The following PPIL6 variants were observed in gnomAD, a reference collection of about 807,000 sequenced individuals.
PPIL6 encodes peptidylprolyl isomerase like 6.
A neutral mutation model predicts 36.8 loss-of-function variants in PPIL6; 39 were observed. The observed-to-expected ratio is 1.06, with a 90% CI of 0.82 to 1.38. The LOEUF (loss-of-function observed/expected upper bound fraction) is 1.38. Ranked by LOEUF, PPIL6 falls within the 40% of genes most tolerant of loss-of-function variation. The probability of loss-of-function intolerance (pLI) is 0.00; values close to 1 mark genes in which losing one functional copy is unlikely to be tolerated. For synonymous variants in PPIL6, 123 were observed against 134.1 expected, an observed-to-expected ratio of 0.92 and a Z score of 0.57; for missense variants, 368 against 379.1, an observed-to-expected ratio of 0.97 and a Z score of 0.24.
intron 2 of PPIL6, among the ~76,000 whole-genome samples, chr6:109,435,430 T>C (rs1774392550): frequency 6.6e-6 from 1 of 151,786 alleles, no homozygotes; most frequent in Non-Finnish European, 1.5e-5. Flanking sequence ...CCAAAGTAGC[T>C]GGGATTATAG....
At chr6:109,437,308 G>A (rs1774499225) in intron 1 of PPIL6, among the ~76,000 whole-genome samples, 1 of 152,196 alleles carries the variant, frequency 6.6e-6, no homozygotes, top group Admixed American at 6.5e-5. Flanking sequence ...GACAGTGCTT[G>A]GAGGTCCTGT....
chr6:109,435,227 G>C (rs1314074839), intron 2 of PPIL6, among the ~76,000 whole-genome samples: 1 of 152,054 alleles, frequency 6.6e-6, no homozygotes, highest in Non-Finnish European at 1.5e-5. Context: ...ACCATCATCA[G>C]CGGCAAACGG....
intron 6 of PPIL6, among the ~76,000 whole-genome samples, chr6:109,412,067 G>T (rs916103668): frequency 7.9e-5 from 12 of 152,340 alleles, no homozygotes; most frequent in African/African-American, 2.9e-4. Flanking sequence ...AATCAGACCT[G>T]TCCATCAATG....
chr6:109,402,312 G>C (rs1336941881), intron 6 of PPIL6, among the ~76,000 whole-genome samples: 1 of 152,024 alleles, frequency 6.6e-6, no homozygotes, highest in South Asian at 2.1e-4. Context: ...AAGGTGGGTG[G>C]GTCGCTTGAG....
chr6:109,397,795 G>A (rs572041561), intron 7 of PPIL6, among the ~76,000 whole-genome samples: 8 of 152,214 alleles, frequency 5.3e-5, no homozygotes, highest in Non-Finnish European at 8.8e-5. Context: ...CAGGAAGTTG[G>A]TAGAGGACAG....
At chr6:109,441,047 GCCGGCCGCCCCCGTCCCCA>G, upstream of PPIL6, 1 of 1,501,614 alleles carries the variant, frequency 6.7e-7, no homozygotes. Flanking sequence ...AGAAGGCGCC[GCCGGCCGCCCCCGTCCCCA>G]CCGCGGCCGT....
At chr6:109,427,287 T>C in intron 3 of PPIL6, 131 bp from the exon 4 acceptor site, 1 of 568,884 alleles carries the variant, frequency 1.8e-6, no homozygotes, top group Non-Finnish European at 3.1e-6. Flanking sequence ...ATGGATAATA[T>C]TACAGTAAAA....
Position 109,436,017 on chromosome 6 carries a change from C to G in PPIL6, c.231+87G>C. ...AAAATCTAGTTACACTAAAATTACT[C>G]TTTCAGTTTTTCCAAAACAATGCAT... On this transcript the variant is annotated intron_variant, in intron 2 of 7. Coordinates refer to ENST00000521072, the MANE Select transcript of PPIL6 (RefSeq NM_173672.5). 34 of 775,060 alleles carry G rather than the reference C, an allele frequency of 4.4e-5. No homozygotes were observed. The South Asian group carries it at 4.9e-4, about 11-fold the overall frequency. The allele number at this position is 775,060 out of a possible 1,614,324, so 48.0% of individuals were successfully genotyped here.
chr6:109,436,662 A>G (rs1774463253), intron 1 of PPIL6, among the ~76,000 whole-genome samples: 1 of 152,212 alleles, frequency 6.6e-6, no homozygotes. Flanking sequence ...CAGAGGTTGC[A>G]GTGAGCAGAG....
chr6:109,426,032 G>T (rs1313401471), intron 5 of PPIL6, among the ~76,000 whole-genome samples: 1 of 152,138 alleles, frequency 6.6e-6, no homozygotes, highest in Non-Finnish European at 1.5e-5. Flanking sequence ...ACACAAAATG[G>T]AAAAACACTT....
In PPIL6 at chr6:109,392,974, A is replaced by T; in HGVS notation, c.825-37T>A. On this transcript the variant is annotated intron_variant, in intron 7 of 7. Coordinates refer to ENST00000521072, the MANE Select transcript of PPIL6 (RefSeq NM_173672.5). ...AAAAAAATGGAAAATTTAGTCAGTCATAAGTTTTCATATTTAGCTTAACAT... is the reference window on the plus strand; with the variant it reads ...AAAAAAATGGAAAATTTAGTCAGTCTTAAGTTTTCATATTTAGCTTAACAT... 4.2e-6 allele frequency: 5 copies of T among 1,182,812 alleles called. No homozygotes were observed. In the South Asian group the frequency reaches 6.5e-5, roughly 15 times the overall value. The allele number at this position is 1,182,812 out of a possible 1,614,324, so 73.3% of individuals were successfully genotyped here.
intron 3 of PPIL6, among the ~76,000 whole-genome samples, chr6:109,429,650 A>C (rs1367700217): frequency 6.6e-6 from 1 of 152,146 alleles, no homozygotes; most frequent in East Asian, 1.9e-4. Flanking sequence ...AAAGACACTG[A>C]AGCATTGAAC....
At chr6:109,416,263 C>T (rs917553805) in intron 6 of PPIL6, among the ~76,000 whole-genome samples, 2 of 139,822 alleles carry the variant, frequency 1.4e-5, no homozygotes, top group African/African-American at 2.7e-5. Context: ...AGTGCAGTGG[C>T]GTGATCTCGG....
chr6:109,427,163 A>T lies in PPIL6; in HGVS notation c.421-7T>A. 1 of 1,605,892 alleles carries T rather than the reference A, an allele frequency of 6.2e-7. No individual in the cohort carries two copies. The highest frequency in any genetic ancestry group is 8.5e-7 in the Non-Finnish European group (1 of 1,173,610). ...CCAAAAACACGAAATCATGCTGTGA[A>T]GATTAAGGAGAATCATATAATGCAG... On this transcript the variant is annotated splice_region_variant and splice_polypyrimidine_tract_variant and intron_variant, in intron 3 of 7. Coordinates refer to ENST00000521072, the MANE Select transcript of PPIL6 (RefSeq NM_173672.5).
chr6:109,396,028 G>T (rs1359616303), intron 7 of PPIL6, among the ~76,000 whole-genome samples: 2 of 151,968 alleles, frequency 1.3e-5, no homozygotes, highest in Admixed American at 1.3e-4. Context: ...GTAGAGATGA[G>T]GTTTCACCGT....
chr6:109,419,772 T>C (rs760144644), intron 5 of PPIL6, among the ~76,000 whole-genome samples: 18 of 151,992 alleles, frequency 1.2e-4, no homozygotes, highest in Non-Finnish European at 2.5e-4. Flanking sequence ...TACCAATGAA[T>C]AGAATAAGTT....
chr6:109,419,332 G>T, intron 5 of PPIL6, 89 bp from the exon 6 acceptor site: 1 of 870,388 alleles, frequency 1.1e-6, no homozygotes, highest in Non-Finnish European at 1.9e-6. Flanking sequence ...TGCTTTCAAT[G>T]ATGATTTCAA....
At chr6:109,402,546 A>G (rs1346479925) in intron 6 of PPIL6, among the ~76,000 whole-genome samples, 1 of 152,310 alleles carries the variant, frequency 6.6e-6, no homozygotes, top group South Asian at 2.1e-4. Context: ...AAGAAAAAAA[A>G]AAAGTGCCTA....
At chr6:109,424,454 G>C (rs1773715584) in intron 5 of PPIL6, among the ~76,000 whole-genome samples, 1 of 152,166 alleles carries the variant, frequency 6.6e-6, no homozygotes, top group African/African-American at 2.4e-5. Flanking sequence ...ACAGTGCCTG[G>C]AGGCATCCTA....
Sources: gnomAD v4.1 joint callset for allele counts (sites outside exome capture counted in the v4.1 genomes callset) on GRCh38, gnomAD v4.1.1 for gene constraint, MANE v1.5 for transcripts, NCBI Gene and HGNC (gene_info 2026-07-23, HGNC 2026-07-21) for gene names.